Variants in PARD3B observed in about 807,000 individuals in gnomAD.
PARD3B encodes partitioning defective 3 homolog B.
A neutral mutation model predicts 130.2 loss-of-function variants in PARD3B; 103 were observed. The observed-to-expected ratio is 0.79, with a 90% CI of 0.67 to 0.93. The LOEUF (loss-of-function observed/expected upper bound fraction) is 0.93. Among genes scored for constraint, PARD3B ranks in the 40% least tolerant of loss-of-function variants. The probability of loss-of-function intolerance (pLI) is 0.00; values close to 1 mark genes in which losing one functional copy is unlikely to be tolerated. For missense variants in PARD3B, 1,609 were observed against 1,499.2 expected, an observed-to-expected ratio of 1.07 and a Z score of -1.21; for synonymous variants, 583 against 553.2, an observed-to-expected ratio of 1.05 and a Z score of -0.76.
At chr2:205,316,951 T>A (rs563121981) in intron 18 of PARD3B, among the ~76,000 whole-genome samples, 1 of 152,192 alleles carries the variant, frequency 6.6e-6, no homozygotes. Context: ...GATTACCTAA[T>A]AAGTATAGTC....
At chr2:204,579,980 C>G (rs939465045) in intron 1 of PARD3B, among the ~76,000 whole-genome samples, 4 of 152,222 alleles carry the variant, frequency 2.6e-5, no homozygotes, top group Admixed American at 2.6e-4. Flanking sequence ...TTCTTTGAAG[C>G]TACATTGTTA....
intron 20 of PARD3B, among the ~76,000 whole-genome samples, chr2:205,464,003 G>A (rs2048538918): frequency 6.6e-6 from 1 of 152,168 alleles, no homozygotes; most frequent in Non-Finnish European, 1.5e-5. Flanking sequence ...AGTTAGAGTA[G>A]TCAGAACCCA....
intron 2 of PARD3B, among the ~76,000 whole-genome samples, chr2:204,706,470 G>T (rs2038165668): frequency 6.6e-6 from 1 of 152,108 alleles, no homozygotes; most frequent in Non-Finnish European, 1.5e-5. Flanking sequence ...AAATGCCAGT[G>T]ACAACTGATA....
intron 15 of PARD3B, among the ~76,000 whole-genome samples, chr2:205,216,287 G>A (rs2161027): frequency 0.83 from 125,703 of 152,128 alleles, 52,592 homozygotes; most frequent in East Asian, 0.95. Context: ...GTGGAAGTAC[G>A]TGTTATGATG....
chr2:205,171,256 G>A (rs893108467), intron 11 of PARD3B, among the ~76,000 whole-genome samples: 3 of 152,198 alleles, frequency 2.0e-5, no homozygotes, highest in Admixed American at 2.0e-4. Flanking sequence ...TAGGTAGAGA[G>A]CATATCCCCT....
intron 3 of PARD3B, among the ~76,000 whole-genome samples, chr2:205,014,506 T>C (rs1484665177): frequency 6.6e-6 from 1 of 152,204 alleles, no homozygotes; most frequent in African/African-American, 2.4e-5. Flanking sequence ...CTGAGTAATG[T>C]TATTCATTAA....
intron 2 of PARD3B, among the ~76,000 whole-genome samples, chr2:204,902,022 G>T (rs1159131390): frequency 1.3e-5 from 2 of 152,138 alleles, no homozygotes; most frequent in African/African-American, 4.8e-5. Context: ...CAAGCAGTAG[G>T]GAGGAACCTC....
chr2:205,097,129 T>G (rs1266319020), intron 4 of PARD3B, among the ~76,000 whole-genome samples: 1 of 152,056 alleles, frequency 6.6e-6, no homozygotes, highest in Non-Finnish European at 1.5e-5. Context: ...GGAATAGGAG[T>G]GCCAAGAAAT....
chr2:204,612,572 A>G (rs2033967283), intron 1 of PARD3B, among the ~76,000 whole-genome samples: 2 of 152,106 alleles, frequency 1.3e-5, no homozygotes, highest in African/African-American at 4.8e-5. Flanking sequence ...TTTCTTTGCA[A>G]TTGTCTGTGC....
intron 18 of PARD3B, among the ~76,000 whole-genome samples, chr2:205,349,740 A>G (rs1265881094): frequency 6.6e-6 from 1 of 151,676 alleles, no homozygotes; most frequent in Non-Finnish European, 1.5e-5. Flanking sequence ...AATAAAATAT[A>G]ATATTAGGAA....
At chr2:204,550,986 C>T (rs1323400213) in intron 1 of PARD3B, among the ~76,000 whole-genome samples, 1 of 152,190 alleles carries the variant, frequency 6.6e-6, no homozygotes, top group African/African-American at 2.4e-5. Context: ...TGATTGGGCA[C>T]TGACTTACTT....
intron 6 of PARD3B, among the ~76,000 whole-genome samples, chr2:205,114,756 T>C (rs930544135): frequency 2.7e-4 from 41 of 149,398 alleles, no homozygotes; most frequent in Middle Eastern, 3.5e-3. Flanking sequence ...TCATCACCTT[T>C]TTTTTTTTTT....
chr2:204,740,227 G>A (rs2039947733), intron 2 of PARD3B, among the ~76,000 whole-genome samples: 1 of 150,656 alleles, frequency 6.6e-6, no homozygotes, highest in African/African-American at 2.4e-5. Context: ...TTGCCATGTT[G>A]GCCAGGCTGA....
intron 1 of PARD3B, among the ~76,000 whole-genome samples, chr2:204,550,551 C>T (rs1574443402): frequency 1.3e-5 from 2 of 151,854 alleles, no homozygotes; most frequent in Non-Finnish European, 2.9e-5. Context: ...GCATTGAATT[C>T]GTGGAATAGC....
rs552718993 is a variant in PARD3B, at chr2:204,937,724, T to A, written c.223-27428T>A. On this transcript the variant is annotated intron_variant, in intron 2 of 22. Coordinates refer to ENST00000406610, the MANE Select transcript of PARD3B (RefSeq NM_001302769.2). ...ATTATGCATATGGCTCCTCTCTTGA[T>A]GTTAGCAGCTGTAACAGTGTATGCC... Among the ~76,000 whole-genome samples the A allele has an allele frequency of 2.0e-5, 3 of 152,350 alleles. No homozygotes were observed. The East Asian group carries it at 5.8e-4, about 29-fold the overall frequency.
intron 1 of PARD3B, among the ~76,000 whole-genome samples, chr2:204,646,491 C>T (rs904496549): frequency 6.6e-6 from 1 of 151,898 alleles, no homozygotes; most frequent in African/African-American, 2.4e-5. Flanking sequence ...ATAATCATTC[C>T]CTCATATTAA....
intron 2 of PARD3B, among the ~76,000 whole-genome samples, chr2:204,916,584 A>G (rs2047454277): frequency 6.6e-6 from 1 of 152,214 alleles, no homozygotes; most frequent in South Asian, 2.1e-4. Context: ...TAAATAATCC[A>G]GAAGAGTGTA....
chr2:205,365,322 G>T (rs1574817995), intron 18 of PARD3B, among the ~76,000 whole-genome samples: 1 of 151,442 alleles, frequency 6.6e-6, no homozygotes, highest in South Asian at 2.1e-4. Context: ...AGTGAGCCAA[G>T]ATTGCCCAAG....
chr2:204,803,611 C>T (rs1016724712), intron 2 of PARD3B, among the ~76,000 whole-genome samples: 1 of 152,102 alleles, frequency 6.6e-6, no homozygotes, highest in African/African-American at 2.4e-5. Flanking sequence ...GCTTGTTAGT[C>T]TGTTTATGCA....
Sources: allele counts gnomAD v4.1 joint callset (sites outside exome capture counted in the v4.1 genomes callset), GRCh38; gene constraint gnomAD v4.1.1; transcripts MANE v1.5; gene names NCBI Gene and HGNC (gene_info 2026-07-23, HGNC 2026-07-21).